Variants in TRAPPC9 observed in about 807,000 individuals in gnomAD.
TRAPPC9 encodes the protein IKK2 binding protein.
Under a neutral mutation model 124.0 loss-of-function variants are expected in TRAPPC9, and 83 were observed. The ratio of observed to expected loss-of-function variants is 0.67; its 90% CI spans 0.56 to 0.80. TRAPPC9 has a LOEUF of 0.80. Ranked by LOEUF, TRAPPC9 falls within the 30% of genes least tolerant of loss-of-function variation. TRAPPC9 has a pLI of 0.00. For missense variants in TRAPPC9, 1,302 were observed against 1,508.3 expected (o/e 0.86, Z 2.27); for synonymous variants, 638 against 617.5 (o/e 1.03, Z -0.49).
intron 17 of TRAPPC9, among the ~76,000 whole-genome samples, chr8:140,220,183 G>A (rs917492372): frequency 6.6e-6 from 1 of 152,332 alleles, no homozygotes; most frequent in East Asian, 1.9e-4. Flanking sequence ...CAGCGCCAGG[G>A]GAGGGTGGTG....
At chr8:139,979,274 C>T (rs4736125) in intron 19 of TRAPPC9, among the ~76,000 whole-genome samples, 32 of 152,076 alleles carry the variant, frequency 2.1e-4, no homozygotes, top group Admixed American at 1.6e-3. Context: ...GTGAAGGCTC[C>T]GGTGGGACCA....
intron 3 of TRAPPC9, among the ~76,000 whole-genome samples, chr8:140,438,645 T>A (rs996121270): frequency 2.6e-5 from 4 of 152,210 alleles, no homozygotes; most frequent in Non-Finnish European, 4.4e-5. Context: ...CCCTCATCCC[T>A]TCTTTTTGGG....
intron 7 of TRAPPC9, among the ~76,000 whole-genome samples, chr8:140,383,661 T>C (rs952132952): frequency 6.6e-6 from 1 of 152,234 alleles, no homozygotes; most frequent in Non-Finnish European, 1.5e-5. Flanking sequence ...TACGGGACTA[T>C]GTGAACAGAC....
intron 17 of TRAPPC9, among the ~76,000 whole-genome samples, chr8:140,134,645 C>T (rs2061270126): frequency 6.6e-6 from 1 of 152,148 alleles, no homozygotes; most frequent in African/African-American, 2.4e-5. Context: ...GTTCCACATG[C>T]AAAGGAATGA....
intron 21 of TRAPPC9, among the ~76,000 whole-genome samples, chr8:139,850,468 G>A (rs1827373030): frequency 6.6e-6 from 1 of 152,176 alleles, no homozygotes; most frequent in African/African-American, 2.4e-5. Flanking sequence ...GCCTTGTCCT[G>A]GGGAGAAACT....
At chr8:139,990,718 C>G (rs2131721559) in intron 18 of TRAPPC9, among the ~76,000 whole-genome samples, 1 of 152,244 alleles carries the variant, frequency 6.6e-6, no homozygotes, top group South Asian at 2.1e-4. Context: ...TCCTGAGTAG[C>G]TGGGATTACA....
At chr8:140,347,345 C>T (rs1171111018) in intron 9 of TRAPPC9, among the ~76,000 whole-genome samples, 2 of 152,222 alleles carry the variant, frequency 1.3e-5, no homozygotes, top group Non-Finnish European at 2.9e-5. Flanking sequence ...GCCTGGGTAG[C>T]CAGCTCCCAC....
At chr8:140,017,539 A>G (rs909597358) in intron 18 of TRAPPC9, among the ~76,000 whole-genome samples, 2 of 152,182 alleles carry the variant, frequency 1.3e-5, no homozygotes, top group Non-Finnish European at 2.9e-5. Context: ...ATGAGATACA[A>G]TTGGAACTAT....
At chr8:140,202,319 A>G (rs190500447) in intron 17 of TRAPPC9, among the ~76,000 whole-genome samples, 135 of 152,306 alleles carry the variant, frequency 8.9e-4, no homozygotes, top group African/African-American at 3.1e-3. Flanking sequence ...CCATGCATCC[A>G]CCATGATACT....
intron 9 of TRAPPC9, among the ~76,000 whole-genome samples, chr8:140,313,823 G>T (rs777632977): frequency 1.3e-5 from 2 of 152,136 alleles, no homozygotes; most frequent in Admixed American, 6.5e-5. Flanking sequence ...GCCGTGTGGT[G>T]CTCCTGCTAG....
In TRAPPC9 at chr8:139,910,146, T is replaced by C; in HGVS notation, c.2964+1A>G. Reference sequence around the variant, plus strand: ...CCCAGGTGGCCCCTGGAAAAGGATATGATTCTCCAGCAGATGCCCAGCTTG... The same window carrying C: ...CCCAGGTGGCCCCTGGAAAAGGATACGATTCTCCAGCAGATGCCCAGCTTG... On this transcript the variant is annotated splice_donor_variant, in intron 20 of 22. Coordinates refer to ENST00000438773, the MANE Select transcript of TRAPPC9 (RefSeq NM_001160372.4). LOFTEE classifies it high-confidence loss of function. 1.2e-6 allele frequency: 2 copies of C among 1,613,870 alleles called. No homozygotes were observed. The highest frequency in any genetic ancestry group is 8.5e-7 in the Non-Finnish European group (1 of 1,179,968).
At chr8:139,861,356 C>A (rs1828138436) in intron 21 of TRAPPC9, among the ~76,000 whole-genome samples, 1 of 151,918 alleles carries the variant, frequency 6.6e-6, no homozygotes, top group African/African-American at 2.4e-5. Context: ...GGGGTATGAG[C>A]CAGAGTGGTG....
chr8:140,094,473 C>T (rs543583736), intron 17 of TRAPPC9, among the ~76,000 whole-genome samples: 44 of 152,280 alleles, frequency 2.9e-4, no homozygotes, highest in African/African-American at 1.0e-3. Flanking sequence ...CCAGAGGCTG[C>T]CAAAGGAAAG....
At chr8:140,433,689 G>C (rs79695764) in intron 4 of TRAPPC9, among the ~76,000 whole-genome samples, 13 of 152,136 alleles carry the variant, frequency 8.5e-5, no homozygotes, top group Admixed American at 8.5e-4. Flanking sequence ...TCAAATCAAC[G>C]TTTTTACTTT....
chr8:139,841,162 C>T (rs1017897509), intron 21 of TRAPPC9, among the ~76,000 whole-genome samples: 1 of 152,176 alleles, frequency 6.6e-6, no homozygotes, highest in Non-Finnish European at 1.5e-5. Context: ...CCCTCGCCCC[C>T]GGCTCCTTCT....
intron 9 of TRAPPC9, among the ~76,000 whole-genome samples, chr8:140,326,023 G>A (rs1332162155): frequency 6.6e-6 from 1 of 152,052 alleles, no homozygotes; most frequent in East Asian, 1.9e-4. Flanking sequence ...ATATACAAAT[G>A]GATACACAAA....
chr8:140,345,646 G>C (rs1342164355), intron 9 of TRAPPC9, among the ~76,000 whole-genome samples: 2 of 152,224 alleles, frequency 1.3e-5, no homozygotes, highest in Non-Finnish European at 2.9e-5. Context: ...CTGGCGACAG[G>C]CCCCAGTCAC....
At chr8:140,215,017 C>A (rs866172186) in intron 17 of TRAPPC9, among the ~76,000 whole-genome samples, 1 of 152,152 alleles carries the variant, frequency 6.6e-6, no homozygotes. Context: ...GTGCCAGATG[C>A]CCCTACAGCA....
intron 21 of TRAPPC9, among the ~76,000 whole-genome samples, chr8:139,884,496 C>T (rs563002663): frequency 3.9e-5 from 6 of 152,164 alleles, no homozygotes; most frequent in African/African-American, 1.4e-4. Context: ...CTCATTTGCC[C>T]CATGAAAGTC....
Sources: gnomAD v4.1 joint callset for allele counts (sites outside exome capture counted in the v4.1 genomes callset) on GRCh38, gnomAD v4.1.1 for gene constraint, MANE v1.5 for transcripts, NCBI Gene and HGNC (gene_info 2026-07-23, HGNC 2026-07-21) for gene names.